Variants in SSBP4 observed in about 807,000 individuals in gnomAD.
SSBP4 encodes the protein single-stranded DNA-binding protein 4.
Under a neutral mutation model 64.6 loss-of-function variants are expected in SSBP4, and 33 were observed. The observed-to-expected ratio is 0.51, with a 90% CI of 0.39 to 0.68. SSBP4 has a LOEUF of 0.68. Ranked by LOEUF, SSBP4 falls within the 30% of genes least tolerant of loss-of-function variation. SSBP4 has a pLI of 0.00. For synonymous variants in SSBP4, 243 were observed against 224.0 expected (o/e 1.08, Z -0.76); for missense variants, 583 against 566.8 (o/e 1.03, Z -0.29).
chr19:18,434,275 G>A lies in SSBP4; in HGVS notation c.*29G>A, dbSNP rs1287363829. 6.2e-7 allele frequency: 1 copy of A among 1,609,322 alleles called. No individual in the cohort carries two copies. The highest frequency in any genetic ancestry group is 2.2e-5 in the East Asian group (1 of 44,472). ...GGCGGCAGCCCCGGGCCTCTCTGCG[G>A]GCCTAGGCTTCTGCCCAGCGCCCCT... On this transcript the variant is annotated 3_prime_UTR_variant, in exon 18 of 18. Coordinates refer to ENST00000270061, the MANE Select transcript of SSBP4 (RefSeq NM_032627.5).
chr19:18,434,258 C>G lies in SSBP4; in HGVS notation c.*12C>G. ...CCATGAGCGTGTGATGGGGCGGCAGCCCCGGGCCTCTCTGCGGGCCTAGGC... is the reference window on the plus strand; with the variant it reads ...CCATGAGCGTGTGATGGGGCGGCAGGCCCGGGCCTCTCTGCGGGCCTAGGC... On this transcript the variant is annotated 3_prime_UTR_variant, in exon 18 of 18. Transcript: ENST00000270061. 2 of 1,611,048 alleles carry G rather than the reference C, an allele frequency of 1.2e-6. No individual in the cohort carries two copies. The highest frequency in any genetic ancestry group is 1.7e-6 in the Non-Finnish European group (2 of 1,179,236).
At chr19:18,424,659 G>A (rs1174367158) in intron 1 of SSBP4, among the ~76,000 whole-genome samples, 1 of 152,002 alleles carries the variant, frequency 6.6e-6, no homozygotes, top group South Asian at 2.1e-4. Flanking sequence ...GGTGGGAGAC[G>A]GTGGGTGGCC....
At chr19:18,415,732 G>C (rs1048253207), upstream of SSBP4, among the ~76,000 whole-genome samples, 3 of 152,182 alleles carry the variant, frequency 2.0e-5, no homozygotes, top group Non-Finnish European at 4.4e-5. Flanking sequence ...AACCGCTAGC[G>C]CAAAGGCTTA....
intron 17 of SSBP4, 181 bp downstream of exon 17, chr19:18,433,998 C>T: frequency 3.3e-6 from 4 of 1,221,624 alleles, no homozygotes; most frequent in African/African-American, 1.6e-5. Context: ...CCACCTCCCG[C>T]TCCTATTTCA....
upstream of SSBP4, among the ~76,000 whole-genome samples, chr19:18,415,574 G>C (rs1173340898): frequency 6.6e-6 from 1 of 152,012 alleles, no homozygotes; most frequent in East Asian, 1.9e-4. Flanking sequence ...AAGGCTTGGA[G>C]GAGGAGGAGG....
In SSBP4 at chr19:18,427,646, C is replaced by T. The variant is rs2144738823; in HGVS notation, c.133-106C>T. The T allele has an allele frequency of 2.2e-6, 3 of 1,377,458 alleles. No homozygotes were observed. The highest frequency in any genetic ancestry group is 2.9e-6 in the Non-Finnish European group (3 of 1,021,412). The allele number at this position is 1,377,458 out of a possible 1,614,324, so 85.3% of individuals were successfully genotyped here. A position where few individuals can be genotyped will look rare whatever the true frequency, so the allele number is the denominator to read the frequency against. On this transcript the variant is annotated intron_variant, in intron 2 of 17. Coordinates refer to ENST00000270061, the MANE Select transcript of SSBP4 (RefSeq NM_032627.5). This position sits in a 1 kb window ranked among gnomAD's most constrained non-coding sequence, Gnocchi z 4.4. ...GGGGCCCTCTGCCCACCCTGTTACC[C>T]TTCCCTCCCCACTCCCTCCCTGCCC...
the SSBP4 span, among the ~76,000 whole-genome samples, chr19:18,404,324 TGG>T: frequency 4.6e-5 from 7 of 152,118 alleles, no homozygotes; most frequent in Admixed American, 3.9e-4. Context: ...CTGGGCATGG[TGG>T]CTGACGCCTG....
chr19:18,422,336 T>C (rs1393936421), intron 1 of SSBP4, among the ~76,000 whole-genome samples: 3 of 151,994 alleles, frequency 2.0e-5, no homozygotes, highest in African/African-American at 7.3e-5. Context: ...CAGAGGTGCT[T>C]TGGGGACACT....
chr19:18,431,938 C>T (rs1973421600), intron 8 of SSBP4, 62 bp from the exon 9 acceptor site: 1 of 1,559,976 alleles, frequency 6.4e-7, no homozygotes, highest in South Asian at 1.2e-5. Context: ...CTTGCTGCCT[C>T]CCCACTGTCC....
intron 5 of SSBP4, 28 bp from the exon 6 acceptor site, chr19:18,431,321 TCCCC>T: frequency 2.7e-6 from 1 of 369,190 alleles, no homozygotes; most frequent in Non-Finnish European, 4.8e-6. Context: ...AGGGCCTCAC[TCCCC>T]CCCACCCACC....
chr19:18,412,695 T>C, the SSBP4 span, among the ~76,000 whole-genome samples: 1 of 152,010 alleles, frequency 6.6e-6, no homozygotes, highest in Admixed American at 6.6e-5. Flanking sequence ...TTTCCCCATC[T>C]GTAACATGGG....
At position 18,430,855 on chromosome 19, in the gene SSBP4, C is replaced by T. The variant is rs1465560900; in HGVS notation, c.294C>T (p.Ala98=). ...KAFQDYSAAA[A]PSPVMGSMAP... ...CACCCTTACAGAGTGCTGCAGCCGC[C>T]CCCAGCCCCGTTATGGGGAGTATGG... The change falls in exon 5 of 18, where the codon GCC becomes GCT. Residue 98 remains alanine (A), a synonymous_variant. Coordinates refer to ENST00000270061, the MANE Select transcript of SSBP4 (RefSeq NM_032627.5). The T allele has an allele frequency of 1.2e-6, 2 of 1,613,064 alleles. No homozygotes were observed.
rs777297404 is a variant in SSBP4 at position 18,432,862 on chromosome 19, C to T, written c.820C>T (p.Pro274Ser). The T allele has an allele frequency of 6.2e-7, 1 of 1,613,998 alleles. No homozygotes were observed. The highest frequency in any genetic ancestry group is 8.5e-7 in the Non-Finnish European group (1 of 1,179,982). Residue 274 changes from proline (P) to serine (S), a missense_variant, in exon 13 of 18, where the codon CCC becomes TCC. Coordinates refer to ENST00000270061, the MANE Select transcript of SSBP4 (RefSeq NM_032627.5). ...PPGGGGPPGT[P>S]IMPSPGDSTN... ...AGGAGGAGGTGGGCCCCCTGGAACA[C>T]CCATCATGCCTAGCCCTGGAGGTAT...
chr19:18,419,681 GC>G lies in SSBP4; in HGVS notation c.36del (p.Ser13ProfsTer127). 1.7e-6 allele frequency: 2 copies of G among 1,199,128 alleles called. No homozygotes were observed. Among genetic ancestry groups the G allele is most frequent in the African/African-American group, 1.6e-5 (1 of 61,894 alleles). The allele number at this position is 1,199,128 out of a possible 1,614,324, so 74.3% of individuals were successfully genotyped here. A position where few individuals can be genotyped will look rare whatever the true frequency, so the allele number is the denominator to read the frequency against. On this transcript the variant is annotated frameshift_variant, in exon 1 of 18. Coordinates refer to ENST00000270061, the MANE Select transcript of SSBP4 (RefSeq NM_032627.5). ...CCAAGGGGGGCAAGGGTTCGGCCGT[GC>G]CCTCCGACAGCCAGGCCCGCGAGAA... ...YAKGGKGSAV[P>X]SDSQAREKLA...
Position 18,426,988 on chromosome 19 carries a change from G to T in SSBP4, c.60-363G>T, listed in dbSNP as rs1248857764. The stretch of plus-strand genomic sequence containing the variant: ...GGATGAGTTTGGAGGTGGGCCCTGA[G>T]CACACTACATGGCCCAGGGTGCCCA... On this transcript the variant is annotated intron_variant, in intron 1 of 17. Coordinates refer to ENST00000270061, the MANE Select transcript of SSBP4 (RefSeq NM_032627.5). This position sits in a 1 kb window ranked among gnomAD's most constrained non-coding sequence, Gnocchi z 4.5. Among the ~76,000 whole-genome samples the T allele has an allele frequency of 6.6e-6, 1 of 152,018 alleles. No homozygotes were observed. Among genetic ancestry groups the T allele is most frequent in the Non-Finnish European group, 1.5e-5 (1 of 67,964 alleles).
intron 17 of SSBP4, 160 bp from the exon 18 acceptor site, chr19:18,434,057 G>C: frequency 3.2e-6 from 4 of 1,262,686 alleles, no homozygotes; most frequent in Non-Finnish European, 4.0e-6. Context: ...CCCCAGGGCG[G>C]CCTTCCCATG....
At chr19:18,431,454 C>A in intron 6 of SSBP4, 36 bp downstream of exon 6, 2 of 1,189,962 alleles carry the variant, frequency 1.7e-6, no homozygotes, top group Non-Finnish European at 2.4e-6. Flanking sequence ...CACACACACA[C>A]ATCCCCTCCC....
At position 18,431,427 on chromosome 19, in the gene SSBP4, C is replaced by CTG; in HGVS notation, c.435+12_435+13dup. ...TGGGGCCTCACGGTCAGGTAAGGAG[C>CTG]TGTGGTGCCTGCCCCTCACACACAC... On this transcript the variant is annotated intron_variant, in intron 6 of 17. Coordinates refer to ENST00000270061, the MANE Select transcript of SSBP4 (RefSeq NM_032627.5). 6.6e-7 allele frequency: 1 copy of CTG among 1,504,214 alleles called. No individual in the cohort carries two copies. The highest frequency in any genetic ancestry group is 1.2e-5 in the South Asian group (1 of 82,206). 93.2% of individuals were successfully genotyped at this position (1,504,214 alleles called of 1,614,324 possible). A position where few individuals can be genotyped will look rare whatever the true frequency, so the allele number is the denominator to read the frequency against.
chr19:18,430,908 C>G lies in SSBP4; in HGVS notation c.347C>G (p.Ser116Cys). 5 of 1,613,006 alleles carry G rather than the reference C, an allele frequency of 3.1e-6. No individual in the cohort carries two copies. Among genetic ancestry groups the G allele is most frequent in the Non-Finnish European group, 2.5e-6 (3 of 1,179,896 alleles). Residue 116 changes from serine (S) to cysteine (C), a missense_variant, in exon 5 of 18, where the codon TCC becomes TGC. This residue lies in a region of SSBP4 where 444 missense variants were observed against 386.6 expected (regional missense o/e 1.15). Transcript: ENST00000270061. ...MAPGDTMAAG[S>C]MAAGFFQGPP... ...CCAGGTGACACAATGGCCGCAGGCT[C>G]CATGGCGGCTGGCTTCTTCCAGGTA...
Sources: gnomAD v4.1 joint callset for allele counts (sites outside exome capture counted in the v4.1 genomes callset) on GRCh38, gnomAD v4.1.1 for gene constraint, gnomAD v4.1.1 regional missense constraint, Gnocchi (gnomAD v3.1) non-coding constraint, MANE v1.5 for transcripts, NCBI Gene and HGNC (gene_info 2026-07-23, HGNC 2026-07-21) for gene names.